The following NME8 variants were observed in gnomAD, a reference collection of about 807,000 sequenced individuals.
The protein encoded by NME8 is NME/NM23 family member 8.
Under a neutral mutation model 82.3 loss-of-function variants are expected in NME8, and 72 were observed. That is an observed-to-expected ratio of 0.87 (90% CI 0.72 to 1.06). The LOEUF (loss-of-function observed/expected upper bound fraction) is 1.06. Ranked by LOEUF, NME8 falls within the 50% of genes least tolerant of loss-of-function variation. The pLI, the probability that NME8 is intolerant of heterozygous loss-of-function variation, is 0.00. For missense variants in NME8, 712 were observed against 685.4 expected, an observed-to-expected ratio of 1.04 and a Z score of -0.43; for synonymous variants, 267 against 228.5, an observed-to-expected ratio of 1.17 and a Z score of -1.52.
At chr7:37,899,495 TG>T (rs35113787) in intron 17 of NME8, among the ~76,000 whole-genome samples, 4,267 of 150,962 alleles carry the variant, frequency 0.028, 98 homozygotes, top group East Asian at 0.088. Context: ...CATGGACACA[TG>T]GGGGGAACAA....
At chr7:37,859,966 C>T (rs79850986) in intron 6 of NME8, among the ~76,000 whole-genome samples, 1,726 of 152,208 alleles carry the variant, frequency 0.011, 34 homozygotes, top group East Asian at 0.076. Context: ...TCAGATATTC[C>T]CTCAATGTCC....
chr7:37,862,583 G>A (rs190095505), intron 7 of NME8, among the ~76,000 whole-genome samples: 92 of 151,940 alleles, frequency 6.1e-4, no homozygotes, highest in Admixed American at 1.7e-3. Flanking sequence ...AAGCTATTTG[G>A]ATGAATTAAA....
At position 37,894,538 on chromosome 7, in the gene NME8, A is replaced by G. The variant is rs569029522; in HGVS notation, c.1472A>G (p.Glu491Gly). ...GTGAAGAAAATGTTCCTAACTCCTG[A>G]GCAAATAGAGAAAATTTATCCAAAA... ...TQVKKMFLTPEQIEKIYPKVT... is the reference protein window; with the variant it reads ...TQVKKMFLTPGQIEKIYPKVT... The change falls in exon 16 of 18, where the codon GAG becomes GGG. Residue 491 changes from glutamate to glycine, a missense_variant. Coordinates refer to ENST00000199447, the MANE Select transcript of NME8 (RefSeq NM_016616.5). The G allele has an allele frequency of 7.4e-6, 12 of 1,611,284 alleles. No homozygotes were observed. In the South Asian group the frequency reaches 9.9e-5, roughly 13 times the overall value.
intron 15 of NME8, among the ~76,000 whole-genome samples, chr7:37,889,811 A>G (rs758754517): frequency 3.9e-5 from 6 of 152,026 alleles, no homozygotes; most frequent in Non-Finnish European, 8.8e-5. Context: ...TTTGAATATA[A>G]GATAAAACCA....
At chr7:37,868,201 G>T (rs753488048) in intron 11 of NME8, among the ~76,000 whole-genome samples, 10 of 152,130 alleles carry the variant, frequency 6.6e-5, no homozygotes, top group African/African-American at 9.7e-5. Context: ...GTGCAGCGGG[G>T]CTCCTCAGTG....
chr7:37,891,558 G>A (rs1785129507), intron 15 of NME8, among the ~76,000 whole-genome samples: 1 of 151,654 alleles, frequency 6.6e-6, no homozygotes, highest in South Asian at 2.1e-4. Flanking sequence ...TTCTCTGTGT[G>A]GTCTTTTACA....
At chr7:37,882,597 A>AAGAAAGAAAGAGAGAGAG (rs1554365622) in intron 12 of NME8, among the ~76,000 whole-genome samples, 10 of 83,042 alleles carry the variant, frequency 1.2e-4, no homozygotes, top group Non-Finnish European at 2.6e-4. Context: ...GAAAGAAAGA[A>AAGAAAGAAAGAGAGAGAG]AGAGAGAGAG....
In NME8 at chr7:37,850,236, T is replaced by G. The variant is rs771208086; in HGVS notation, c.-7-24T>G. On this transcript the variant is annotated intron_variant, in intron 2 of 17. Transcript: ENST00000199447. ...TTATTTAAATTTCCTACTTAAAAATTTTTCTTTCTTTTTCCTATGATAGTA... is the reference window on the plus strand; with the variant it reads ...TTATTTAAATTTCCTACTTAAAAATGTTTCTTTCTTTTTCCTATGATAGTA... 7 of 1,598,564 alleles carry G rather than the reference T, an allele frequency of 4.4e-6. No individual in the cohort carries two copies. The East Asian group carries it at 1.3e-4, about 31-fold the overall frequency.
intron 5 of NME8, among the ~76,000 whole-genome samples, chr7:37,851,263 T>C (rs1470719): frequency 0.23 from 35,675 of 152,214 alleles, 4,190 homozygotes; most frequent in Middle Eastern, 0.26. Flanking sequence ...TTGTCCAACA[T>C]GGTAGCTACT....
chr7:37,867,582 A>G, intron 10 of NME8, 120 bp from the exon 11 acceptor site: 1 of 747,138 alleles, frequency 1.3e-6, no homozygotes, highest in African/African-American at 1.7e-5. Flanking sequence ...TATAAGAGTA[A>G]CATTCCTTTG....
In NME8 at chr7:37,871,325, T is replaced by C. The variant is rs1583634183; in HGVS notation, c.818+3427T>C. On this transcript the variant is annotated intron_variant, in intron 11 of 17. Transcript: ENST00000199447. ...AAGAGCCAGGGAAACAGGGCAGAGG[T>C]ACCCATGTTTGTCATTCACATTCCA... is the stretch of plus-strand genomic sequence containing the variant. 2.0e-5 allele frequency among the ~76,000 whole-genome samples: 3 copies of C among 152,214 alleles called. No individual in the cohort carries two copies. The South Asian group carries it at 6.2e-4, about 31-fold the overall frequency.
At chr7:37,851,025 A>T (rs930689983) in intron 5 of NME8, among the ~76,000 whole-genome samples, 1 of 152,202 alleles carries the variant, frequency 6.6e-6, no homozygotes, top group East Asian at 1.9e-4. Flanking sequence ...CCACATGTTC[A>T]GTGTGTGTCC....
At chr7:37,888,010 C>A (rs1785069958) in intron 14 of NME8, among the ~76,000 whole-genome samples, 1 of 152,126 alleles carries the variant, frequency 6.6e-6, no homozygotes. Flanking sequence ...AAAGCCAAAC[C>A]ATATCAGCAT....
chr7:37,884,650 A>G (rs1202533064), intron 13 of NME8, among the ~76,000 whole-genome samples: 1 of 152,186 alleles, frequency 6.6e-6, no homozygotes, highest in Non-Finnish European at 1.5e-5. Context: ...TTACTGGAAT[A>G]GTAGGAAGGT....
At chr7:37,886,105 C>T (rs1356727415) in intron 14 of NME8, among the ~76,000 whole-genome samples, 2 of 152,194 alleles carry the variant, frequency 1.3e-5, no homozygotes, top group South Asian at 2.1e-4. Context: ...GTTGCATTAA[C>T]ATGTATTGCC....
rs781406524 is a variant in NME8 at position 37,850,238 on chromosome 7, T to G, written c.-7-22T>G. On this transcript the variant is annotated intron_variant, in intron 2 of 17. Coordinates refer to ENST00000199447, the MANE Select transcript of NME8 (RefSeq NM_016616.5). The stretch of plus-strand genomic sequence containing the variant: ...ATTTAAATTTCCTACTTAAAAATTT[T>G]TCTTTCTTTTTCCTATGATAGTAGA... The G allele has an allele frequency of 4.4e-6, 4 of 916,804 alleles. No homozygotes were observed. In the South Asian group the frequency reaches 5.9e-5, roughly 14 times the overall value. The allele number at this position is 916,804 out of a possible 1,614,324, so 56.8% of individuals were successfully genotyped here.
intron 12 of NME8, among the ~76,000 whole-genome samples, chr7:37,877,793 C>A (rs549846734): frequency 1.3e-5 from 2 of 152,086 alleles, no homozygotes; most frequent in Admixed American, 1.3e-4. Context: ...TATCATACCC[C>A]CCTTCCCCTC....
At position 37,857,269 on chromosome 7, in the gene NME8, T is replaced by C; in HGVS notation, c.199-5T>C. The C allele has an allele frequency of 6.2e-7, 1 of 1,606,448 alleles. No individual in the cohort carries two copies. Among genetic ancestry groups the C allele is most frequent in the Non-Finnish European group, 8.5e-7 (1 of 1,174,184 alleles). On this transcript the variant is annotated splice_region_variant and splice_polypyrimidine_tract_variant and intron_variant, in intron 5 of 17. Transcript: ENST00000199447. Reference sequence around the variant, plus strand: ...ATTATTATATGAAATGTTTACTTTTTCCAGGCAGAAGCTGACAACATTGTG... The same window carrying C: ...ATTATTATATGAAATGTTTACTTTTCCCAGGCAGAAGCTGACAACATTGTG...
chr7:37,871,850 A>T (rs1784771300), intron 11 of NME8, among the ~76,000 whole-genome samples: 1 of 152,192 alleles, frequency 6.6e-6, no homozygotes, highest in Admixed American at 6.5e-5. Flanking sequence ...CATAATAGAT[A>T]CAATTCCTAA....
Sources: gnomAD v4.1 joint callset for allele counts (sites outside exome capture counted in the v4.1 genomes callset) on GRCh38, gnomAD v4.1.1 for gene constraint, MANE v1.5 for transcripts, NCBI Gene and HGNC (gene_info 2026-07-23, HGNC 2026-07-21) for gene names.